LRBA: variants seen among roughly 807,000 people sequenced by gnomAD.
LRBA encodes the protein lipopolysaccharide-responsive and beige-like anchor protein.
In LRBA, 176 loss-of-function variants were observed where a neutral mutation model predicts 330.0. That is an observed-to-expected ratio of 0.53 (90% confidence interval 0.47 to 0.60). LRBA has a LOEUF of 0.60. Among genes scored for constraint, LRBA ranks in the 20% least tolerant of loss-of-function variants. The probability of loss-of-function intolerance (pLI) is 0.00; values close to 1 mark genes in which losing one functional copy is unlikely to be tolerated. For synonymous variants in LRBA, 1,230 were observed against 1,193.0 expected, an observed-to-expected ratio of 1.03 and a Z score of -0.64; for missense variants, 3,259 against 3,444.8, an observed-to-expected ratio of 0.95 and a Z score of 1.35.
At chr4:150,596,952 T>C in intron 38 of LRBA, 1 of 480,584 alleles carries the variant, frequency 2.1e-6, no homozygotes, top group South Asian at 3.0e-5. Flanking sequence ...TCTCTGAAAT[T>C]GTAAGACAAC....
intron 26 of LRBA, among the ~76,000 whole-genome samples, chr4:150,846,071 G>A (rs1361379730): frequency 2.6e-5 from 4 of 152,050 alleles, no homozygotes; most frequent in Non-Finnish European, 4.4e-5. Flanking sequence ...ATATTCAGCC[G>A]TAAAAAAGAA....
At chr4:151,005,437 C>CAA (rs70941465) in intron 2 of LRBA, among the ~76,000 whole-genome samples, 45 of 60,596 alleles carry the variant, frequency 7.4e-4, no homozygotes, top group African/African-American at 2.9e-3. Context: ...GACTCCAACT[C>CAA]AAAAAAAAAA....
chr4:150,942,603 T>C (rs894592981), intron 2 of LRBA, among the ~76,000 whole-genome samples: 1 of 152,216 alleles, frequency 6.6e-6, no homozygotes, highest in Non-Finnish European at 1.5e-5. Flanking sequence ...TCTGGGTCTT[T>C]CACTATTTCT....
At chr4:150,784,541 G>T (rs1355928724) in intron 34 of LRBA, among the ~76,000 whole-genome samples, 1 of 152,144 alleles carries the variant, frequency 6.6e-6, no homozygotes, top group Non-Finnish European at 1.5e-5. Flanking sequence ...CAGCCTTTTT[G>T]CCCTACGTGA....
intron 22 of LRBA, among the ~76,000 whole-genome samples, chr4:150,857,675 C>A (rs960232870): frequency 2.0e-5 from 3 of 152,058 alleles, no homozygotes; most frequent in Admixed American, 6.5e-5. Context: ...TGATAAGGAA[C>A]AGATAAAGTA....
chr4:150,707,273 T>G (rs1388879620), intron 36 of LRBA, among the ~76,000 whole-genome samples: 1 of 151,658 alleles, frequency 6.6e-6, no homozygotes, highest in Non-Finnish European at 1.5e-5. Context: ...TTGAAAAATT[T>G]TAAATACTTA....
intron 46 of LRBA, among the ~76,000 whole-genome samples, chr4:150,432,450 G>A (rs1332779685): frequency 1.4e-5 from 1 of 70,856 alleles, no homozygotes; most frequent in African/African-American, 4.4e-5. Flanking sequence ...ATTTAAGTGT[G>A]TTCTTTTTTT....
chr4:150,973,407 T>C (rs1028477033), intron 2 of LRBA, among the ~76,000 whole-genome samples: 1 of 152,174 alleles, frequency 6.6e-6, no homozygotes, highest in Non-Finnish European at 1.5e-5. Flanking sequence ...CCTCAGGTGA[T>C]CTGCCCGCCT....
intron 37 of LRBA, among the ~76,000 whole-genome samples, chr4:150,623,218 G>A (rs561811469): frequency 6.6e-6 from 1 of 152,256 alleles, no homozygotes; most frequent in African/African-American, 2.4e-5. Context: ...CCCCACAAGG[G>A]CATTCTGACA....
intron 37 of LRBA, among the ~76,000 whole-genome samples, chr4:150,619,112 G>A (rs1021544547): frequency 7.2e-5 from 11 of 151,972 alleles, no homozygotes; most frequent in Non-Finnish European, 1.5e-4. Context: ...AGTTTAAAAA[G>A]AAAATAAAAT....
At chr4:150,855,556 A>T (rs1560921363) in intron 22 of LRBA, among the ~76,000 whole-genome samples, 1 of 151,938 alleles carries the variant, frequency 6.6e-6, no homozygotes, top group Non-Finnish European at 1.5e-5. Flanking sequence ...TTAAGAAACA[A>T]TTTTTTTTAA....
intron 46 of LRBA, among the ~76,000 whole-genome samples, chr4:150,431,570 G>A (rs1171483836): frequency 6.6e-6 from 1 of 152,100 alleles, no homozygotes; most frequent in African/African-American, 2.4e-5. Flanking sequence ...ATCAAAAAAT[G>A]TAAAATATCT....
At chr4:151,005,075 A>G (rs2149660970) in intron 2 of LRBA, among the ~76,000 whole-genome samples, 1 of 151,300 alleles carries the variant, frequency 6.6e-6, no homozygotes, top group East Asian at 2.0e-4. Context: ...AAGATGTTAA[A>G]CTTACACAAA....
At chr4:150,348,322 G>A (rs1262371554) in intron 48 of LRBA, among the ~76,000 whole-genome samples, 1 of 152,154 alleles carries the variant, frequency 6.6e-6, no homozygotes, top group Non-Finnish European at 1.5e-5. Flanking sequence ...TGAAAACATT[G>A]CGTAACCTTT....
Position 150,351,776 on chromosome 4 carries a change from A to T in LRBA, c.7195-1617T>A, listed in dbSNP as rs539955368. ...TTCGAAGACCCCCAGTAGATGCCTG[A>T]ATCTGTGAATAGTACCAAACCCTAT... is the stretch of plus-strand genomic sequence containing the variant. On this transcript the variant is annotated intron_variant, in intron 47 of 56. Coordinates refer to ENST00000651943, the MANE Select transcript of LRBA (RefSeq NM_001364905.1). Among the ~76,000 whole-genome samples the T allele has an allele frequency of 2.1e-4, 32 of 152,358 alleles. No individual in the cohort carries two copies. The South Asian group carries it at 6.6e-3, about 32-fold the overall frequency.
chr4:150,610,416 C>A (rs114836347), intron 37 of LRBA, among the ~76,000 whole-genome samples: 186 of 152,192 alleles, frequency 1.2e-3, no homozygotes, highest in African/African-American at 4.3e-3. Context: ...GGCGAAAACT[C>A]GTCTCTACTA....
intron 40 of LRBA, among the ~76,000 whole-genome samples, chr4:150,495,656 A>G (rs1210883670): frequency 6.6e-6 from 1 of 152,186 alleles, no homozygotes; most frequent in Non-Finnish European, 1.5e-5. Context: ...TTCATTTCTT[A>G]TTGGAATAGT....
chr4:150,956,376 A>T (rs1414462409), intron 2 of LRBA, among the ~76,000 whole-genome samples: 4 of 148,970 alleles, frequency 2.7e-5, no homozygotes, highest in Non-Finnish European at 5.9e-5. Flanking sequence ...GTAATAAAAA[A>T]ATCAACTCAC....
rs373028484 is a variant in LRBA, at chr4:150,664,046, G to A, written c.5921+19505C>T. On this transcript the variant is annotated intron_variant, in intron 37 of 56. Coordinates refer to ENST00000651943, the MANE Select transcript of LRBA (RefSeq NM_001364905.1). ...TTGCTTGGTGTGGTTAGAGATGCAC[G>A]AAAAAGATGAATGGCAAGGAAGATT... 2.7e-4 allele frequency among the ~76,000 whole-genome samples: 41 copies of A among 152,270 alleles called. No homozygotes were observed. In the Middle Eastern group the frequency reaches 0.01, roughly 38 times the overall value.
Sources: gnomAD v4.1 joint callset for allele counts (sites outside exome capture counted in the v4.1 genomes callset) on GRCh38, gnomAD v4.1.1 for gene constraint, MANE v1.5 for transcripts, NCBI Gene and HGNC (gene_info 2026-07-23, HGNC 2026-07-21) for gene names.